EYS: variants seen among roughly 807,000 people sequenced by gnomAD.
EYS encodes the protein EGF-like photoreceptor maintenance factor, also known as protein eyes shut homolog.
A neutral mutation model predicts 282.1 loss-of-function variants in EYS; 250 were observed. The observed-to-expected ratio is 0.89, with a 90% CI of 0.80 to 0.98. The LOEUF is 0.98. Among genes scored for constraint, EYS ranks in the 50% least tolerant of loss-of-function variants. The pLI is 0.00. For missense variants in EYS, 4,016 were observed against 3,709.0 expected (o/e 1.08, Z -2.15); for synonymous variants, 1,355 against 1,282.9 (o/e 1.06, Z -1.20).
intron 12 of EYS, among the ~76,000 whole-genome samples, chr6:65,133,145 TAC>T (rs1363304684): frequency 6.6e-6 from 1 of 152,042 alleles, no homozygotes; most frequent in Non-Finnish European, 1.5e-5. Context: ...TCAAGCAATT[TAC>T]AGATTCAATG....
intron 2 of EYS, among the ~76,000 whole-genome samples, chr6:65,629,172 C>T (rs1766823737): frequency 6.6e-6 from 1 of 152,126 alleles, no homozygotes; most frequent in Admixed American, 6.5e-5. Flanking sequence ...TAAGCCTGTT[C>T]TACAGATTCC....
intron 12 of EYS, among the ~76,000 whole-genome samples, chr6:65,147,397 T>A (rs930177643): frequency 1.3e-5 from 2 of 152,042 alleles, no homozygotes; most frequent in African/African-American, 4.8e-5. Flanking sequence ...AGAGGGATAT[T>A]AGAATTTTCG....
At chr6:64,944,939 A>G (rs182719827) in intron 15 of EYS, among the ~76,000 whole-genome samples, 28 of 152,122 alleles carry the variant, frequency 1.8e-4, no homozygotes, top group Admixed American at 2.6e-4. Context: ...TAATTATGAC[A>G]TAGATTCTAT....
At chr6:63,885,904 A>G (rs1378751386) in intron 35 of EYS, among the ~76,000 whole-genome samples, 1 of 152,290 alleles carries the variant, frequency 6.6e-6, no homozygotes, top group Non-Finnish European at 1.5e-5. Flanking sequence ...TCTTCTTCCA[A>G]TGTGAATGGC....
intron 34 of EYS, among the ~76,000 whole-genome samples, chr6:63,996,343 T>C (rs897591400): frequency 5.3e-5 from 8 of 152,024 alleles, no homozygotes; most frequent in Non-Finnish European, 7.4e-5. Flanking sequence ...TCAATGACTA[T>C]AGAGTTTCAG....
intron 22 of EYS, among the ~76,000 whole-genome samples, chr6:64,727,016 TG>T (rs1771779361): frequency 6.6e-6 from 1 of 152,190 alleles, no homozygotes; most frequent in East Asian, 1.9e-4. Flanking sequence ...TGTCACCGAA[TG>T]GTGAGCAAAG....
At chr6:65,123,055 A>T (rs1035291016) in intron 12 of EYS, among the ~76,000 whole-genome samples, 17 of 152,230 alleles carry the variant, frequency 1.1e-4, no homozygotes, top group Middle Eastern at 3.4e-3. Context: ...ATTTAACTTA[A>T]ATATAAAGCT....
chr6:65,337,466 T>C (rs1770031912), intron 10 of EYS, among the ~76,000 whole-genome samples: 1 of 151,320 alleles, frequency 6.6e-6, no homozygotes, highest in Admixed American at 6.6e-5. Flanking sequence ...TAAACACTCG[T>C]ATAAGAAGCA....
At position 65,035,160 on chromosome 6, in the gene EYS, C is replaced by T. The variant is rs190327935; in HGVS notation, c.2137+22454G>A. Among the ~76,000 whole-genome samples, 242 of 152,150 alleles carry T rather than the reference C, an allele frequency of 1.6e-3. 2 individuals carry two copies. The highest frequency in any genetic ancestry group is 5.6e-3 in the African/African-American group (232 of 41,514). ...AGAAAAGGCTTTCAATAACACTCAT[C>T]GTCACTTCATGTTAAAAACCCTCAA... On this transcript the variant is annotated intron_variant, in intron 13 of 42. Transcript: ENST00000503581.
At chr6:64,649,831 A>G (rs1768494619) in intron 22 of EYS, among the ~76,000 whole-genome samples, 1 of 152,170 alleles carries the variant, frequency 6.6e-6, no homozygotes, top group South Asian at 2.1e-4. Flanking sequence ...TAATGTTTAT[A>G]ATACATTATT....
At chr6:64,615,158 T>C (rs1767234422) in intron 24 of EYS, among the ~76,000 whole-genome samples, 1 of 152,112 alleles carries the variant, frequency 6.6e-6, no homozygotes, top group Non-Finnish European at 1.5e-5. Context: ...ACACACTTCA[T>C]TTTTAGTACT....
chr6:64,896,193 C>T (rs574718406), intron 18 of EYS, among the ~76,000 whole-genome samples: 12 of 152,166 alleles, frequency 7.9e-5, no homozygotes, highest in African/African-American at 2.2e-4. Context: ...GAGAGACGAA[C>T]GCAGAAGGCA....
chr6:64,098,784 G>T (rs1208560302), intron 31 of EYS, among the ~76,000 whole-genome samples: 1 of 151,764 alleles, frequency 6.6e-6, no homozygotes, highest in African/African-American at 2.4e-5. Flanking sequence ...GTACTTTTTA[G>T]TAGAGGTACA....
intron 19 of EYS, among the ~76,000 whole-genome samples, chr6:64,885,589 T>C (rs1007849151): frequency 6.6e-6 from 1 of 151,780 alleles, no homozygotes; most frequent in African/African-American, 2.4e-5. Context: ...ACTTAGAAAG[T>C]AAACTGTTTT....
intron 22 of EYS, among the ~76,000 whole-genome samples, chr6:64,743,620 C>G (rs1772448254): frequency 6.6e-6 from 1 of 152,020 alleles, no homozygotes; most frequent in Non-Finnish European, 1.5e-5. Context: ...CTCATGAGAT[C>G]AAACAGCATG....
chr6:64,314,074 A>T lies in EYS; in HGVS notation c.6079-6992T>A, dbSNP rs971266984. ...CCCAATTAAAAGACACAGACTGGCAATTTGGACAAAGAGTCAAGACCCTTC... is the reference window on the plus strand; with the variant it reads ...CCCAATTAAAAGACACAGACTGGCATTTTGGACAAAGAGTCAAGACCCTTC... On this transcript the variant is annotated intron_variant, in intron 29 of 42. Coordinates refer to ENST00000503581, the MANE Select transcript of EYS (RefSeq NM_001142800.2). Among the ~76,000 whole-genome samples, 4 of 152,034 alleles carry T rather than the reference A, an allele frequency of 2.6e-5. No homozygotes were observed. The South Asian group carries it at 6.2e-4, about 24-fold the overall frequency.
intron 2 of EYS, among the ~76,000 whole-genome samples, chr6:65,592,597 C>A (rs977274314): frequency 8.6e-5 from 13 of 151,884 alleles, no homozygotes; most frequent in African/African-American, 2.7e-4. Context: ...GGGGTAAACG[C>A]CACTATTCTC....
At chr6:64,310,625 A>G (rs1196726303) in intron 29 of EYS, among the ~76,000 whole-genome samples, 1 of 152,348 alleles carries the variant, frequency 6.6e-6, no homozygotes, top group East Asian at 1.9e-4. Flanking sequence ...GAGGAAAAGT[A>G]ACTAATATGT....
intron 5 of EYS, among the ~76,000 whole-genome samples, chr6:65,464,623 A>G (rs1271217541): frequency 6.6e-6 from 1 of 152,160 alleles, no homozygotes; most frequent in African/African-American, 2.4e-5. Context: ...TTGGAGCCCT[A>G]TCTCCTCTAA....
Sources: gnomAD v4.1 joint callset for allele counts (sites outside exome capture counted in the v4.1 genomes callset) on GRCh38, gnomAD v4.1.1 for gene constraint, MANE v1.5 for transcripts, NCBI Gene and HGNC (gene_info 2026-07-23, HGNC 2026-07-21) for gene names.